Variants in CAMTA1 observed in about 807,000 individuals in gnomAD.
CAMTA1 encodes calmodulin binding transcription activator 1.
In CAMTA1, 27 loss-of-function variants were observed where a neutral mutation model predicts 170.9. That is an observed-to-expected ratio of 0.16 (90% CI 0.12 to 0.22). The LOEUF (loss-of-function observed/expected upper bound fraction) is 0.22. Among genes scored for constraint, CAMTA1 ranks in the 10% least tolerant of loss-of-function variants. The pLI is 1.00. For missense variants in CAMTA1, 1,619 were observed against 2,217.2 expected, an observed-to-expected ratio of 0.73 and a Z score of 5.42; for synonymous variants, 833 against 891.5, an observed-to-expected ratio of 0.93 and a Z score of 1.17.
In CAMTA1 at chr1:7,633,137, C is replaced by T. The variant is rs1436539706; in HGVS notation, c.511-7263C>T. ...TTTGGAGGAAAGGCCCTCAGCTTGT[C>T]CCCCGTCCTCTCTTTGTCCCTGCAG... is the stretch of plus-strand genomic sequence containing the variant. On this transcript the variant is annotated intron_variant, in intron 6 of 22. Transcript: ENST00000303635. The surrounding 1 kb of genome is among the most constrained non-coding windows in gnomAD (Gnocchi z 4.1). 6.6e-6 allele frequency among the ~76,000 whole-genome samples: 1 copy of T among 152,226 alleles called. No homozygotes were observed. The highest frequency in any genetic ancestry group is 2.4e-5 in the African/African-American group (1 of 41,456).
intron 3 of CAMTA1, among the ~76,000 whole-genome samples, chr1:7,021,073 C>G (rs983459181): frequency 6.6e-6 from 1 of 152,248 alleles, no homozygotes; most frequent in Non-Finnish European, 1.5e-5. Context: ...TGGGGACCTG[C>G]CCGGGGGCTC....
intron 6 of CAMTA1, among the ~76,000 whole-genome samples, chr1:7,619,483 C>A (rs914264823): frequency 6.6e-6 from 1 of 152,060 alleles, no homozygotes; most frequent in Non-Finnish European, 1.5e-5. Context: ...AGTGAAAAAC[C>A]CTCTCCTGGA....
chr1:7,749,555 C>T (rs2096881123), intron 19 of CAMTA1, among the ~76,000 whole-genome samples: 1 of 151,558 alleles, frequency 6.6e-6, no homozygotes, highest in South Asian at 2.1e-4. Flanking sequence ...AAAAAACCCT[C>T]CCCAGAAACT....
In CAMTA1 at chr1:6,958,688, G is replaced by C. The variant is rs115221337; in HGVS notation, c.235-132616G>C. 3.5e-3 allele frequency among the ~76,000 whole-genome samples: 534 copies of C among 152,284 alleles called. 4 individuals are homozygous for C. Among genetic ancestry groups the C allele is most frequent in the African/African-American group, 0.011 (466 of 41,550 alleles). On this transcript the variant is annotated intron_variant, in intron 3 of 22. Transcript: ENST00000303635. ...AGTGCATGAAGCGAATCTCCTCCCA[G>C]CCTAGTCCACCACCCCTCTGCAGCT...
chr1:7,654,437 G>A (rs746697986), intron 7 of CAMTA1, among the ~76,000 whole-genome samples: 4 of 151,626 alleles, frequency 2.6e-5, no homozygotes, highest in Non-Finnish European at 5.9e-5. Context: ...AGGCATTCTG[G>A]AAAGCCCCTG....
chr1:7,574,148 G>A (rs760687712), intron 6 of CAMTA1, among the ~76,000 whole-genome samples: 1 of 120,318 alleles, frequency 8.3e-6, no homozygotes, highest in African/African-American at 8.1e-5. Flanking sequence ...GTGTCCACCC[G>A]ACAGGCGGCA....
intron 5 of CAMTA1, among the ~76,000 whole-genome samples, chr1:7,250,630 A>G (rs1666487404): frequency 6.6e-6 from 1 of 152,232 alleles, no homozygotes; most frequent in African/African-American, 2.4e-5. Context: ...ATGCTTTGTC[A>G]TGATGACTTT....
intron 4 of CAMTA1, among the ~76,000 whole-genome samples, chr1:7,119,460 G>T (rs955982932): frequency 2.6e-5 from 4 of 152,154 alleles, no homozygotes; most frequent in Non-Finnish European, 2.9e-5. Flanking sequence ...AGTGAACAGC[G>T]GGGGGCATCA....
chr1:7,308,797 C>G (rs1675993626), intron 5 of CAMTA1, among the ~76,000 whole-genome samples: 1 of 152,118 alleles, frequency 6.6e-6, no homozygotes, highest in South Asian at 2.1e-4. Flanking sequence ...GTGTATTCTG[C>G]TGATGTTGGG....
intron 6 of CAMTA1, among the ~76,000 whole-genome samples, chr1:7,619,667 TG>T (rs1397482131): frequency 1.3e-5 from 2 of 151,532 alleles, no homozygotes; most frequent in African/African-American, 4.9e-5. Context: ...TTTTTTTTTT[TG>T]AGATGGAGTC....
At chr1:7,343,422 A>C (rs940451173) in intron 5 of CAMTA1, among the ~76,000 whole-genome samples, 3 of 152,232 alleles carry the variant, frequency 2.0e-5, no homozygotes, top group Non-Finnish European at 4.4e-5. Flanking sequence ...TGGAACCTCC[A>C]TTATCTGTGT....
intron 1 of CAMTA1, among the ~76,000 whole-genome samples, chr1:6,800,315 G>A (rs1643584279): frequency 6.6e-6 from 1 of 152,096 alleles, no homozygotes; most frequent in African/African-American, 2.4e-5. Context: ...GCTGAGGTTG[G>A]AGGATTACTT....
At chr1:6,949,351 G>C (rs763056021) in intron 3 of CAMTA1, among the ~76,000 whole-genome samples, 1 of 152,218 alleles carries the variant, frequency 6.6e-6, no homozygotes, top group South Asian at 2.1e-4. Flanking sequence ...GGGAGATCCC[G>C]CTTTGAACGC....
intron 5 of CAMTA1, among the ~76,000 whole-genome samples, chr1:7,255,696 C>T (rs902670460): frequency 6.6e-6 from 1 of 152,096 alleles, no homozygotes; most frequent in African/African-American, 2.4e-5. Context: ...ATCTGGTATC[C>T]AAATCTAAGT....
At chr1:7,321,818 A>G (rs1314178696) in intron 5 of CAMTA1, among the ~76,000 whole-genome samples, 1 of 152,018 alleles carries the variant, frequency 6.6e-6, no homozygotes, top group Non-Finnish European at 1.5e-5. Flanking sequence ...CCTTCCTGGT[A>G]GCACATGTTG....
chr1:7,110,911 C>T (rs1334452142), intron 4 of CAMTA1, among the ~76,000 whole-genome samples: 4 of 152,200 alleles, frequency 2.6e-5, no homozygotes, highest in Non-Finnish European at 4.4e-5. Flanking sequence ...ATGACTGGAA[C>T]GCATTGTCTT....
intron 6 of CAMTA1, among the ~76,000 whole-genome samples, chr1:7,496,165 C>G (rs1231901430): frequency 6.6e-6 from 1 of 152,226 alleles, no homozygotes; most frequent in African/African-American, 2.4e-5. Context: ...TGCCTGAGGT[C>G]AGCCTCACAC....
At chr1:7,696,962 T>C (rs1015311411) in intron 11 of CAMTA1, among the ~76,000 whole-genome samples, 9 of 152,134 alleles carry the variant, frequency 5.9e-5, no homozygotes, top group African/African-American at 2.2e-4. Context: ...AACCAGTGCA[T>C]GCTAAGAGGT....
intron 6 of CAMTA1, among the ~76,000 whole-genome samples, chr1:7,538,726 TA>T (rs2094576495): frequency 6.6e-6 from 1 of 152,154 alleles, no homozygotes; most frequent in South Asian, 2.1e-4. Flanking sequence ...CATTACGATG[TA>T]GGGGTGGGGG....
Sources: allele counts gnomAD v4.1 joint callset (sites outside exome capture counted in the v4.1 genomes callset), GRCh38; gene constraint gnomAD v4.1.1; non-coding constraint Gnocchi (gnomAD v3.1); transcripts MANE v1.5; gene names NCBI Gene and HGNC (gene_info 2026-07-23, HGNC 2026-07-21).